Variants in ARHGAP24 observed in about 807,000 individuals in gnomAD.
The protein encoded by ARHGAP24 is rho GTPase-activating protein 24.
Under a neutral mutation model 76.4 loss-of-function variants are expected in ARHGAP24, and 50 were observed. The ratio of observed to expected loss-of-function variants is 0.65; its 90% CI spans 0.52 to 0.83. The LOEUF (loss-of-function observed/expected upper bound fraction) is 0.83. Among genes scored for constraint, ARHGAP24 ranks in the 40% least tolerant of loss-of-function variants. ARHGAP24 has a pLI of 0.00. For missense variants in ARHGAP24, 930 were observed against 914.2 expected (o/e 1.02, Z -0.22); for synonymous variants, 345 against 323.3 (o/e 1.07, Z -0.72).
At chr4:85,487,514 A>G (rs1477871080) in intron 1 of ARHGAP24, among the ~76,000 whole-genome samples, 1 of 105,848 alleles carries the variant, frequency 9.4e-6, no homozygotes, top group Non-Finnish European at 1.7e-5. Context: ...TATTATATAA[A>G]CATATATTTA....
chr4:85,739,966 G>A (rs979549303), intron 3 of ARHGAP24, among the ~76,000 whole-genome samples: 7 of 152,040 alleles, frequency 4.6e-5, no homozygotes, highest in Non-Finnish European at 7.3e-5. Context: ...ATCCCCTATC[G>A]CCCCTTGCTC....
At chr4:85,572,343 G>A (rs959881787) in intron 2 of ARHGAP24, among the ~76,000 whole-genome samples, 1 of 152,112 alleles carries the variant, frequency 6.6e-6, no homozygotes, top group South Asian at 2.1e-4. Context: ...AAAATACATA[G>A]AGGGCCATAT....
At chr4:85,853,623 A>G (rs1731370178) in intron 3 of ARHGAP24, among the ~76,000 whole-genome samples, 1 of 152,010 alleles carries the variant, frequency 6.6e-6, no homozygotes, top group Non-Finnish European at 1.5e-5. Flanking sequence ...GACCTAAATG[A>G]ATAGTATTAA....
At chr4:85,774,925 A>T (rs1727256904) in intron 3 of ARHGAP24, among the ~76,000 whole-genome samples, 1 of 152,214 alleles carries the variant, frequency 6.6e-6, no homozygotes, top group Non-Finnish European at 1.5e-5. Flanking sequence ...TTTATACTAG[A>T]TACTGTTCTG....
chr4:85,768,277 C>T (rs1341625651), intron 3 of ARHGAP24, among the ~76,000 whole-genome samples: 12 of 152,064 alleles, frequency 7.9e-5, no homozygotes, highest in Non-Finnish European at 4.4e-5. Flanking sequence ...AATCTAAAGT[C>T]GTCCACAAGT....
intron 9 of ARHGAP24, among the ~76,000 whole-genome samples, chr4:85,999,636 T>C (rs530462131): frequency 6.6e-6 from 1 of 152,298 alleles, no homozygotes; most frequent in South Asian, 2.1e-4. Context: ...AAGATACATC[T>C]TAAATAAAGA....
intron 1 of ARHGAP24, among the ~76,000 whole-genome samples, chr4:85,535,853 T>G (rs879318282): frequency 6.6e-6 from 1 of 152,166 alleles, no homozygotes; most frequent in Non-Finnish European, 1.5e-5. Context: ...AAATTGCTAG[T>G]TCATTCTCAT....
intron 2 of ARHGAP24, among the ~76,000 whole-genome samples, chr4:85,692,408 TC>T (rs1255448045): frequency 6.6e-6 from 1 of 152,216 alleles, no homozygotes; most frequent in East Asian, 1.9e-4. Flanking sequence ...CACTATATCC[TC>T]AAGTATATTT....
At chr4:85,678,662 G>A (rs1232756582) in intron 2 of ARHGAP24, among the ~76,000 whole-genome samples, 1 of 152,130 alleles carries the variant, frequency 6.6e-6, no homozygotes, top group African/African-American at 2.4e-5. Flanking sequence ...CAATGTATCA[G>A]ACTACAAACA....
chr4:85,494,859 G>A (rs537656272), intron 1 of ARHGAP24, among the ~76,000 whole-genome samples: 1 of 151,750 alleles, frequency 6.6e-6, no homozygotes, highest in Admixed American at 6.6e-5. Flanking sequence ...AGCACTTTGG[G>A]AGGCCAAGGT....
At position 85,520,125 on chromosome 4, in the gene ARHGAP24, G is replaced by A. The variant is rs563911459; in HGVS notation, c.-21+44566G>A. Among the ~76,000 whole-genome samples the A allele has an allele frequency of 2.6e-4, 40 of 152,234 alleles. 1 individual carries two copies. The South Asian group carries it at 6.8e-3, about 26-fold the overall frequency. On this transcript the variant is annotated intron_variant, in intron 1 of 9. Coordinates refer to ENST00000395184, the MANE Select transcript of ARHGAP24 (RefSeq NM_001025616.3). ...TGGCTTCCTTTCTCATCATAAACCA[G>A]CTATACAAGACAAATAGTGTGTATA... is the stretch of plus-strand genomic sequence containing the variant.
intron 5 of ARHGAP24, among the ~76,000 whole-genome samples, chr4:85,960,889 T>C (rs1738205501): frequency 6.6e-6 from 1 of 152,176 alleles, no homozygotes; most frequent in South Asian, 2.1e-4. Context: ...ATTTGTTTTC[T>C]GCTCCTGAAA....
chr4:85,721,331 G>T (rs1724925792), intron 2 of ARHGAP24, among the ~76,000 whole-genome samples: 1 of 151,452 alleles, frequency 6.6e-6, no homozygotes, highest in Admixed American at 6.6e-5. Flanking sequence ...GAAGGCAGAG[G>T]TTGCAGCGAG....
At chr4:85,989,454 CAT>C (rs1740196368) in intron 8 of ARHGAP24, among the ~76,000 whole-genome samples, 1 of 151,458 alleles carries the variant, frequency 6.6e-6, no homozygotes, top group Non-Finnish European at 1.5e-5. Context: ...TTCTAACAAA[CAT>C]GTAAAGAAGA....
At chr4:85,556,502 A>C (rs892684213) in intron 1 of ARHGAP24, among the ~76,000 whole-genome samples, 13 of 152,126 alleles carry the variant, frequency 8.5e-5, no homozygotes, top group African/African-American at 2.7e-4. Flanking sequence ...TTCCTTCCCC[A>C]GCCCGAGGAC....
intron 2 of ARHGAP24, among the ~76,000 whole-genome samples, chr4:85,677,220 A>G (rs1171438776): frequency 6.6e-6 from 1 of 152,200 alleles, no homozygotes; most frequent in Non-Finnish European, 1.5e-5. Context: ...CCTCCTCACA[A>G]CATCTTAATG....
At chr4:85,697,790 G>A (rs1339574650) in intron 2 of ARHGAP24, among the ~76,000 whole-genome samples, 5 of 152,192 alleles carry the variant, frequency 3.3e-5, no homozygotes, top group African/African-American at 1.2e-4. Context: ...GGAAACGGAT[G>A]TTTCTGTGTG....
chr4:85,528,647 T>C (rs1261398415), intron 1 of ARHGAP24, among the ~76,000 whole-genome samples: 1 of 152,048 alleles, frequency 6.6e-6, no homozygotes, highest in African/African-American at 2.4e-5. Context: ...AGTGAGTTAA[T>C]ATTTTTCAAA....
At chr4:85,959,161 A>G (rs1269230807) in intron 5 of ARHGAP24, among the ~76,000 whole-genome samples, 1 of 152,238 alleles carries the variant, frequency 6.6e-6, no homozygotes. Context: ...TATGCTAAAC[A>G]AGCGATGGAT....
Sources: gnomAD v4.1 joint callset for allele counts (sites outside exome capture counted in the v4.1 genomes callset) on GRCh38, gnomAD v4.1.1 for gene constraint, MANE v1.5 for transcripts, NCBI Gene and HGNC (gene_info 2026-07-23, HGNC 2026-07-21) for gene names.